Variants in SFMBT1 observed in about 807,000 individuals in gnomAD.
SFMBT1 encodes scm-like with four MBT domains protein 1.
Under a neutral mutation model 108.7 loss-of-function variants are expected in SFMBT1, and 32 were observed. The observed-to-expected ratio is 0.29, with a 90% CI of 0.22 to 0.40. SFMBT1 has a LOEUF of 0.40. Ranked by LOEUF, SFMBT1 falls within the 10% of genes least tolerant of loss-of-function variation. The pLI, the probability that SFMBT1 is intolerant of heterozygous loss-of-function variation, is 1.00. For synonymous variants in SFMBT1, 348 were observed against 369.5 expected, an observed-to-expected ratio of 0.94 and a Z score of 0.67; for missense variants, 816 against 1,059.6, an observed-to-expected ratio of 0.77 and a Z score of 3.19.
intron 1 of SFMBT1, among the ~76,000 whole-genome samples, chr3:53,014,357 C>T (rs1393840066): frequency 6.6e-6 from 1 of 152,128 alleles, no homozygotes; most frequent in African/African-American, 2.4e-5. Flanking sequence ...GTAATGCCAG[C>T]ACTTTGGGAG....
chr3:52,943,504 G>A lies in SFMBT1; in HGVS notation c.213C>T (p.Thr71=), dbSNP rs774646264. Residue 71 remains threonine (T), a synonymous_variant, in exon 4 of 21, where the codon ACC becomes ACT. Coordinates refer to ENST00000394752, the MANE Select transcript of SFMBT1 (RefSeq NM_016329.4). ...RTDPETYWVA[T]VITTCEQLLL... ...GCAACTGCTCACAGGTAGTGATAAC[G>A]GTGGCAACCCAGTAGGTCTCAGGAT... The A allele has an allele frequency of 8.1e-6, 13 of 1,613,972 alleles. No individual in the cohort carries two copies. Among genetic ancestry groups the A allele is most frequent in the Admixed American group, 6.7e-5 (4 of 60,000 alleles).
chr3:52,927,735 GA>G (rs1381896914), intron 9 of SFMBT1, among the ~76,000 whole-genome samples: 1 of 152,096 alleles, frequency 6.6e-6, no homozygotes. Flanking sequence ...CTTCTCTGTA[GA>G]AAGTCCCCTC....
intron 1 of SFMBT1, among the ~76,000 whole-genome samples, chr3:52,984,037 T>C (rs997345957): frequency 6.6e-6 from 1 of 151,898 alleles, no homozygotes; most frequent in Non-Finnish European, 1.5e-5. Context: ...GAAGTGAAAA[T>C]GTGGAGGAAG....
intron 1 of SFMBT1, among the ~76,000 whole-genome samples, chr3:52,983,207 G>C (rs547457730): frequency 6.6e-6 from 1 of 152,160 alleles, no homozygotes; most frequent in Admixed American, 6.5e-5. Flanking sequence ...ACGTGAAGAT[G>C]ACAAGGATGA....
intron 3 of SFMBT1, among the ~76,000 whole-genome samples, chr3:52,945,217 A>G (rs1703328255): frequency 6.6e-6 from 1 of 151,118 alleles, no homozygotes; most frequent in African/African-American, 2.4e-5. Context: ...AGAGCCTGGA[A>G]TATCTTGTGA....
At chr3:52,932,477 G>C (rs1486362847) in intron 5 of SFMBT1, among the ~76,000 whole-genome samples, 169 bp from the exon 6 acceptor site, 1 of 152,088 alleles carries the variant, frequency 6.6e-6, no homozygotes, top group African/African-American at 2.4e-5. Context: ...TTATTTCTAG[G>C]AGATATGAAA....
chr3:53,021,825 C>T (rs1013471961), intron 1 of SFMBT1, among the ~76,000 whole-genome samples: 6 of 152,092 alleles, frequency 3.9e-5, no homozygotes, highest in Non-Finnish European at 5.9e-5. Context: ...AGAAAAAGCA[C>T]GCAGAAGGGG....
chr3:52,937,912 A>G (rs1422439174), intron 4 of SFMBT1, among the ~76,000 whole-genome samples: 2 of 151,586 alleles, frequency 1.3e-5, no homozygotes, highest in Non-Finnish European at 3.0e-5. Context: ...GAAAAAAATA[A>G]GTTCACACAC....
In SFMBT1 at chr3:52,969,152, T is replaced by C. The variant is rs1704257099; in HGVS notation, c.-24A>G. On this transcript the variant is annotated 5_prime_UTR_variant, in exon 2 of 21. The change creates a new upstream start codon in the 5' untranslated region. Coordinates refer to ENST00000394752, the MANE Select transcript of SFMBT1 (RefSeq NM_016329.4). ...ATTTCCACAGCATATAGGCAGGCTATATCCTCCCAAAACAAAGGAAAGGCC... is the reference window on the plus strand; with the variant it reads ...ATTTCCACAGCATATAGGCAGGCTACATCCTCCCAAAACAAAGGAAAGGCC... 1.2e-6 allele frequency: 2 copies of C among 1,613,680 alleles called. No individual in the cohort carries two copies. Among genetic ancestry groups the C allele is most frequent in the Admixed American group, 1.7e-5 (1 of 59,926 alleles).
intron 1 of SFMBT1, among the ~76,000 whole-genome samples, chr3:53,027,683 G>C (rs1478734866): frequency 6.6e-6 from 1 of 152,192 alleles, no homozygotes; most frequent in Non-Finnish European, 1.5e-5. Context: ...TCAGGCTGCA[G>C]CTGCCTTTTT....
chr3:53,031,518 A>C (rs1024614107), intron 1 of SFMBT1, among the ~76,000 whole-genome samples: 12 of 152,226 alleles, frequency 7.9e-5, no homozygotes, highest in African/African-American at 2.9e-4. Context: ...ATAGATATTT[A>C]AAGCAGCAAA....
At chr3:52,926,714 T>G (rs1421036414) in intron 9 of SFMBT1, among the ~76,000 whole-genome samples, 2 of 152,166 alleles carry the variant, frequency 1.3e-5, no homozygotes, top group Non-Finnish European at 2.9e-5. Flanking sequence ...TTAAGTCTAC[T>G]GAGGTTCTTG....
chr3:52,990,580 C>T (rs1005663126), intron 1 of SFMBT1, among the ~76,000 whole-genome samples: 2 of 152,068 alleles, frequency 1.3e-5, no homozygotes, highest in African/African-American at 4.8e-5. Flanking sequence ...TTTAACAAAA[C>T]GTCAAACAAA....
chr3:52,946,470 G>C (rs767013769), intron 3 of SFMBT1, among the ~76,000 whole-genome samples: 1 of 152,144 alleles, frequency 6.6e-6, no homozygotes, highest in African/African-American at 2.4e-5. Flanking sequence ...TTCTCTTGTC[G>C]AACATTACTT....
At chr3:52,953,361 G>A (rs530281515) in intron 3 of SFMBT1, among the ~76,000 whole-genome samples, 5 of 152,154 alleles carry the variant, frequency 3.3e-5, no homozygotes, top group African/African-American at 1.2e-4. Context: ...GCTGAGGTGG[G>A]AGGGTCACCT....
chr3:52,912,526 T>C lies in SFMBT1; in HGVS notation c.1730+12A>G, dbSNP rs550634882. ...AGTAAAAGTAAAGAGTAAAAACAAGTAGTCCACTCACTTGGCTTTTAGGAC... is the reference window on the plus strand; with the variant it reads ...AGTAAAAGTAAAGAGTAAAAACAAGCAGTCCACTCACTTGGCTTTTAGGAC... On this transcript the variant is annotated intron_variant, in intron 16 of 20. Transcript: ENST00000394752. 7.5e-6 allele frequency: 12 copies of C among 1,602,808 alleles called. No individual in the cohort carries two copies. The African/African-American group carries it at 1.1e-4, about 14-fold the overall frequency.
intron 13 of SFMBT1, among the ~76,000 whole-genome samples, chr3:52,916,517 A>G: frequency 6.6e-6 from 1 of 151,956 alleles, no homozygotes; most frequent in Non-Finnish European, 1.5e-5. Context: ...AAAATACAAA[A>G]AATTAGCTGG....
At chr3:53,036,239 T>C (rs993107177) in intron 1 of SFMBT1, among the ~76,000 whole-genome samples, 28 of 152,358 alleles carry the variant, frequency 1.8e-4, no homozygotes, top group African/African-American at 6.7e-4. Flanking sequence ...AAGCAGAGAA[T>C]GTCCAGCTAT....
intron 1 of SFMBT1, among the ~76,000 whole-genome samples, chr3:53,042,420 G>C (rs1318646748): frequency 1.3e-5 from 2 of 152,224 alleles, no homozygotes; most frequent in African/African-American, 4.8e-5. Context: ...GCTCACTGCA[G>C]CCTCGAACTC....
Sources: allele counts gnomAD v4.1 joint callset (sites outside exome capture counted in the v4.1 genomes callset), GRCh38; gene constraint gnomAD v4.1.1; transcripts MANE v1.5; gene names NCBI Gene and HGNC (gene_info 2026-07-23, HGNC 2026-07-21).